ARHGAP5: variants seen among roughly 807,000 people sequenced by gnomAD.
ARHGAP5 encodes rho GTPase-activating protein 5.
ARHGAP5 carries 23 observed loss-of-function variants against 116.6 expected under a neutral mutation model. That is an observed-to-expected ratio of 0.20 (90% CI 0.14 to 0.28). ARHGAP5 has a LOEUF of 0.28. Among genes scored for constraint, ARHGAP5 ranks in the 10% least tolerant of loss-of-function variants. ARHGAP5 has a pLI of 1.00. For missense variants in ARHGAP5, 1,405 were observed against 1,774.8 expected (o/e 0.79, Z 3.74); for synonymous variants, 574 against 602.0 (o/e 0.95, Z 0.68).
Position 32,097,155 on chromosome 14 carries a change from G to A in ARHGAP5, c.3717+2769G>A, listed in dbSNP as rs144386799. On this transcript the variant is annotated intron_variant, in intron 2 of 6. Coordinates refer to ENST00000345122, the MANE Select transcript of ARHGAP5 (RefSeq NM_001030055.2). ...GGTTGTTAAAAAATACCCAGTTTTTGCACCATGCATTATTACTAGTGACTA... is the reference window on the plus strand; with the variant it reads ...GGTTGTTAAAAAATACCCAGTTTTTACACCATGCATTATTACTAGTGACTA... 8.5e-3 allele frequency among the ~76,000 whole-genome samples: 1,288 copies of A among 152,262 alleles called. 11 individuals carry two copies. Among genetic ancestry groups the A allele is most frequent in the Non-Finnish European group, 0.011 (763 of 67,998 alleles).
Position 32,092,355 on chromosome 14 carries a change from T to C in ARHGAP5, c.1686T>C (p.Asn562=), listed in dbSNP as rs1878297789. The change falls in exon 2 of 7, where the codon AAT becomes AAC. Residue 562 remains asparagine, a synonymous_variant. Coordinates refer to ENST00000345122, the MANE Select transcript of ARHGAP5 (RefSeq NM_001030055.2). The surrounding 1 kb of genome is among the most constrained non-coding windows in gnomAD (Gnocchi z 4.1). ...PTKETCLSGQ[N]CTDIKVEQLL... ...AAGAAACATGTCTTAGTGGCCAAAATTGTACAGACATTAAAGTGGAGCAGT... is the reference window on the plus strand; with the variant it reads ...AAGAAACATGTCTTAGTGGCCAAAACTGTACAGACATTAAAGTGGAGCAGT... 1.2e-5 allele frequency: 19 copies of C among 1,613,654 alleles called. No individual in the cohort carries two copies. In the East Asian group the frequency reaches 3.6e-4, roughly 30 times the overall value.
At chr14:32,148,161 G>A (rs1306855563) in intron 4 of ARHGAP5, among the ~76,000 whole-genome samples, 2 of 109,790 alleles carry the variant, frequency 1.8e-5, no homozygotes, top group African/African-American at 3.3e-5. Flanking sequence ...TCAAAAAAAA[G>A]AAATCTATCT....
Position 32,093,592 on chromosome 14 carries a change from TATA to T in ARHGAP5, c.2928_2930del (p.Asn977del), listed in dbSNP as rs1242815780. The stretch of plus-strand genomic sequence containing the variant: ...ACCATCTCCCAGAGACTGTTTTCCC[TATA>T]ATAACTACCCTGATTCAGATGATGA... On this transcript the variant is annotated inframe_deletion, in exon 2 of 7. Coordinates refer to ENST00000345122, the MANE Select transcript of ARHGAP5 (RefSeq NM_001030055.2). 39 of 1,613,942 alleles carry T rather than the reference TATA, an allele frequency of 2.4e-5. No homozygotes were observed. Among genetic ancestry groups the T allele is most frequent in the Non-Finnish European group, 3.1e-5 (36 of 1,179,974 alleles).
chr14:32,153,661 C>T (rs1450690172), intron 6 of ARHGAP5, among the ~76,000 whole-genome samples: 1 of 151,234 alleles, frequency 6.6e-6, no homozygotes, highest in Non-Finnish European at 1.5e-5. Context: ...TTAGTAGAGA[C>T]AGGGTTTCAT....
intron 3 of ARHGAP5, among the ~76,000 whole-genome samples, chr14:32,134,341 G>A (rs1880673953): frequency 6.6e-6 from 1 of 152,018 alleles, no homozygotes; most frequent in African/African-American, 2.4e-5. Flanking sequence ...TCCCCACATG[G>A]AATTTTAAGA....
intron 4 of ARHGAP5, among the ~76,000 whole-genome samples, chr14:32,149,081 C>T (rs1004065682): frequency 1.3e-5 from 2 of 151,862 alleles, no homozygotes; most frequent in African/African-American, 2.4e-5. Flanking sequence ...GTGGATTTTA[C>T]TTAGCAGTTA....
rs781108959 is a variant in ARHGAP5, at chr14:32,117,299, G to C, written c.3865+12G>C. ...TATTGAAGATACAGGTAGGATAGAA[G>C]AATCATTGCAAGAGATTTGATTTTA... On this transcript the variant is annotated intron_variant, in intron 3 of 6. Coordinates refer to ENST00000345122, the MANE Select transcript of ARHGAP5 (RefSeq NM_001030055.2). 9.0e-6 allele frequency: 14 copies of C among 1,562,384 alleles called. No individual in the cohort carries two copies. The Admixed American group carries it at 1.7e-4, about 19-fold the overall frequency.
Position 32,133,088 on chromosome 14 carries a change from T to G in ARHGAP5, c.3866-13175T>G, listed in dbSNP as rs1211920779. ...ATGCAGGCTCTTTTTTGGTTCCATA[T>G]GAACTTTAAAGTAGTTTTTTCCAAT... On this transcript the variant is annotated intron_variant, in intron 3 of 6. Transcript: ENST00000345122. Among the ~76,000 whole-genome samples, 3 of 152,218 alleles carry G rather than the reference T, an allele frequency of 2.0e-5. No individual in the cohort carries two copies. In the East Asian group the frequency reaches 5.8e-4, roughly 29 times the overall value.
At chr14:32,128,346 T>A (rs1880297003) in intron 3 of ARHGAP5, among the ~76,000 whole-genome samples, 1 of 152,146 alleles carries the variant, frequency 6.6e-6, no homozygotes, top group Non-Finnish European at 1.5e-5. Context: ...GAGGTGGAGG[T>A]TGTAGCGAGC....
At chr14:32,149,837 C>T in intron 4 of ARHGAP5, 65 bp from the exon 5 acceptor site, 3 of 948,412 alleles carry the variant, frequency 3.2e-6, no homozygotes. Flanking sequence ...TAAAAGTAAC[C>T]ATTTAGCTTG....
chr14:32,143,227 GTTGTTGTTGTTGTTA>G (rs974823222), intron 3 of ARHGAP5, among the ~76,000 whole-genome samples: 11 of 147,572 alleles, frequency 7.5e-5, no homozygotes, highest in African/African-American at 1.3e-4. Context: ...TGTTGTTGTT[GTTGTTGTTGTTGTTA>G]TTATTATTAT....
chr14:32,144,106 C>A (rs376166632), intron 3 of ARHGAP5, among the ~76,000 whole-genome samples: 2 of 152,184 alleles, frequency 1.3e-5, no homozygotes, highest in African/African-American at 4.8e-5. Context: ...AGATAAAGTA[C>A]TACAGGAGTG....
intron 1 of ARHGAP5, among the ~76,000 whole-genome samples, chr14:32,086,990 G>A (rs1320737288): frequency 6.6e-6 from 1 of 151,834 alleles, no homozygotes; most frequent in East Asian, 1.9e-4. Flanking sequence ...CTTTTGTCTT[G>A]GTTTCTTCAT....
At chr14:32,082,860 G>C (rs115167247) in intron 1 of ARHGAP5, among the ~76,000 whole-genome samples, 2,197 of 152,296 alleles carry the variant, frequency 0.014, 48 homozygotes, top group African/African-American at 0.049. Flanking sequence ...TTTAAATTCT[G>C]TGATAGTTCA....
chr14:32,100,901 C>G (rs912513965), intron 2 of ARHGAP5, among the ~76,000 whole-genome samples: 1 of 152,122 alleles, frequency 6.6e-6, no homozygotes, highest in African/African-American at 2.4e-5. Flanking sequence ...CAGTTTTGAA[C>G]ACATTCAAGG....
chr14:32,100,998 A>G (rs1404293042), intron 2 of ARHGAP5, among the ~76,000 whole-genome samples: 5 of 152,226 alleles, frequency 3.3e-5, no homozygotes, highest in Admixed American at 1.3e-4. Context: ...ATTAAGATAA[A>G]TAGTAAAATA....
chr14:32,151,410 T>C (rs1236562269), intron 5 of ARHGAP5, among the ~76,000 whole-genome samples: 1 of 152,254 alleles, frequency 6.6e-6, no homozygotes, highest in Admixed American at 6.5e-5. Flanking sequence ...GTAAGTTAAA[T>C]ACTTAAACTG....
At chr14:32,105,611 G>T (rs1878981147) in intron 2 of ARHGAP5, among the ~76,000 whole-genome samples, 1 of 151,930 alleles carries the variant, frequency 6.6e-6, no homozygotes, top group African/African-American at 2.4e-5. Flanking sequence ...ATCTTATTCA[G>T]ATTTCCCCAG....
At chr14:32,137,997 C>G (rs1043493926) in intron 3 of ARHGAP5, among the ~76,000 whole-genome samples, 12 of 151,022 alleles carry the variant, frequency 7.9e-5, no homozygotes, top group Non-Finnish European at 1.6e-4. Flanking sequence ...AAAAATTTCA[C>G]CTTCCAATCC....
Sources: gnomAD v4.1 joint callset for allele counts (sites outside exome capture counted in the v4.1 genomes callset) on GRCh38, gnomAD v4.1.1 for gene constraint, Gnocchi (gnomAD v3.1) non-coding constraint, MANE v1.5 for transcripts, NCBI Gene and HGNC (gene_info 2026-07-23, HGNC 2026-07-21) for gene names.